CACNB2: variants seen among roughly 807,000 people sequenced by gnomAD.
CACNB2 encodes calcium voltage-gated channel auxiliary subunit beta 2.
CACNB2 carries 42 observed loss-of-function variants against 73.3 expected under a neutral mutation model. The observed-to-expected ratio is 0.57, with a 90% CI of 0.45 to 0.74. The LOEUF (loss-of-function observed/expected upper bound fraction) is 0.74. Among genes scored for constraint, CACNB2 ranks in the 30% least tolerant of loss-of-function variants. The pLI, the probability that CACNB2 is intolerant of heterozygous loss-of-function variation, is 0.00. For synonymous variants in CACNB2, 348 were observed against 310.3 expected, an observed-to-expected ratio of 1.12 and a Z score of -1.28; for missense variants, 940 against 853.0, an observed-to-expected ratio of 1.10 and a Z score of -1.27.
chr10:18,287,616 C>A (rs1038888599), intron 2 of CACNB2, among the ~76,000 whole-genome samples: 1 of 152,058 alleles, frequency 6.6e-6, no homozygotes. Context: ...TTTGGGAGGC[C>A]AAGGTGGACA....
intron 2 of CACNB2, among the ~76,000 whole-genome samples, chr10:18,374,995 T>C (rs1183936829): frequency 6.6e-6 from 1 of 152,172 alleles, no homozygotes; most frequent in Non-Finnish European, 1.5e-5. Context: ...AAAGTTCTAC[T>C]TTCTCTGTTT....
chr10:18,185,074 A>C (rs1017591818), intron 2 of CACNB2, among the ~76,000 whole-genome samples: 2 of 152,094 alleles, frequency 1.3e-5, no homozygotes, highest in African/African-American at 4.8e-5. Context: ...CCTGGGCTCA[A>C]GCAATCCTCC....
rs149253719 is a variant in CACNB2 at position 18,506,518 on chromosome 10, G to C, written c.641G>C (p.Ser214Thr). 1,707 of 1,611,704 alleles carry C rather than the reference G, an allele frequency of 1.1e-3. 6 individuals carry two copies. Among genetic ancestry groups the C allele is most frequent in the Middle Eastern group, 4.1e-3 (25 of 6,054 alleles). ...SSSSLGDIVP[S>T]SRKSTPPSSA... ...TCCAGTTTGGGTGACATAGTACCTA[G>C]TTCCAGAAAATCAACACCTCCATCA... The change falls in exon 6 of 14, where the codon AGT becomes ACT. Residue 214 changes from serine (S) to threonine (T), a missense_variant. Ser to Thr is a moderately conservative substitution (Grantham distance 58). Transcript: ENST00000324631.
At position 18,140,724 on chromosome 10, in the gene CACNB2, C is replaced by G; in HGVS notation, c.-13C>G. ...GGGGGCTGGCTGCTTCGCTCCGAGC[C>G]GACTTTTCGCCAATGGTCCAAAGGG... On this transcript the variant is annotated 5_prime_UTR_variant, in exon 1 of 14. Transcript: ENST00000324631. The G allele has an allele frequency of 6.3e-7, 1 of 1,588,274 alleles. No homozygotes were observed. Among genetic ancestry groups the G allele is most frequent in the South Asian group, 1.1e-5 (1 of 87,252 alleles).
At chr10:18,536,959 A>G (rs1476193241) in intron 12 of CACNB2, among the ~76,000 whole-genome samples, 5 of 152,156 alleles carry the variant, frequency 3.3e-5, no homozygotes, top group Non-Finnish European at 7.4e-5. Context: ...TATGCTTTAC[A>G]TGCAATGCCT....
chr10:18,177,316 T>G (rs573701910), intron 2 of CACNB2, among the ~76,000 whole-genome samples: 2 of 152,124 alleles, frequency 1.3e-5, no homozygotes, highest in East Asian at 3.9e-4. Flanking sequence ...TTTTGGGATG[T>G]TCAGTATTTA....
intron 3 of CACNB2, among the ~76,000 whole-genome samples, chr10:18,479,215 T>C (rs749002622): frequency 3.9e-5 from 6 of 152,204 alleles, no homozygotes; most frequent in African/African-American, 7.2e-5. Context: ...ATATAACATA[T>C]ATAATCTGTG....
At chr10:18,301,920 T>G (rs1445469081) in intron 2 of CACNB2, among the ~76,000 whole-genome samples, 1 of 152,022 alleles carries the variant, frequency 6.6e-6, no homozygotes, top group Non-Finnish European at 1.5e-5. Context: ...GTGCTGGGAT[T>G]ACAGGCATGA....
intron 3 of CACNB2, among the ~76,000 whole-genome samples, chr10:18,449,989 C>T (rs904015601): frequency 3.9e-5 from 6 of 152,204 alleles, no homozygotes; most frequent in Admixed American, 1.3e-4. Flanking sequence ...CCGGGGCTGG[C>T]GGCATGAGGC....
chr10:18,529,637 T>C (rs1486891533), intron 10 of CACNB2, among the ~76,000 whole-genome samples: 2 of 152,140 alleles, frequency 1.3e-5, no homozygotes, highest in Admixed American at 6.6e-5. Context: ...CTGAAAAACA[T>C]AGGTGCTTCA....
chr10:18,506,038 T>C (rs904275297), intron 5 of CACNB2, among the ~76,000 whole-genome samples: 1 of 152,178 alleles, frequency 6.6e-6, no homozygotes, highest in Non-Finnish European at 1.5e-5. Context: ...TCAATCTTAG[T>C]GTACTATTAA....
intron 2 of CACNB2, among the ~76,000 whole-genome samples, chr10:18,323,967 T>G (rs1564436287): frequency 6.6e-6 from 1 of 152,226 alleles, no homozygotes; most frequent in African/African-American, 2.4e-5. Flanking sequence ...ATTCCATGAA[T>G]AGCCTGCTGA....
chr10:18,249,556 A>G (rs530175299), intron 2 of CACNB2, among the ~76,000 whole-genome samples: 28 of 152,196 alleles, frequency 1.8e-4, no homozygotes, highest in South Asian at 6.2e-4. Context: ...TGTCCCCCCA[A>G]TGACTTCACT....
At chr10:18,351,844 T>C (rs1389742917) in intron 2 of CACNB2, among the ~76,000 whole-genome samples, 1 of 152,232 alleles carries the variant, frequency 6.6e-6, no homozygotes, top group Non-Finnish European at 1.5e-5. Context: ...AGGCTTTTTT[T>C]CCTGATGAAT....
intron 2 of CACNB2, among the ~76,000 whole-genome samples, chr10:18,324,728 C>G (rs1197989631): frequency 6.6e-6 from 1 of 152,134 alleles, no homozygotes; most frequent in Non-Finnish European, 1.5e-5. Context: ...TGGTGGCATG[C>G]GTCTGTATTC....
chr10:18,361,808 T>A (rs2042154095), intron 2 of CACNB2, among the ~76,000 whole-genome samples: 1 of 151,934 alleles, frequency 6.6e-6, no homozygotes, highest in Non-Finnish European at 1.5e-5. Flanking sequence ...AGATGGGGTT[T>A]CACTACCTAG....
At chr10:18,436,208 G>A (rs1274485841) in intron 3 of CACNB2, among the ~76,000 whole-genome samples, 1 of 152,192 alleles carries the variant, frequency 6.6e-6, no homozygotes, top group Non-Finnish European at 1.5e-5. Context: ...GGTCATTAAT[G>A]ATGAGTTTGC....
rs745129 is a variant in CACNB2 at position 18,454,254 on chromosome 10, T to C, written c.334-44101T>C. Among the ~76,000 whole-genome samples, 1,458 of 152,336 alleles carry C rather than the reference T, an allele frequency of 9.6e-3. 91 individuals carry two copies. Among genetic ancestry groups the C allele is most frequent in the Admixed American group, 0.091 (1,390 of 15,296 alleles). ...AGAAAGGGTCCAACAGAAAATGATA[T>C]CTACAGATTTCAAGGATCCCTAATA... On this transcript the variant is annotated intron_variant, in intron 3 of 13. Coordinates refer to ENST00000324631, the MANE Select transcript of CACNB2 (RefSeq NM_201596.3).
At chr10:18,530,506 A>T (rs899998448) in intron 10 of CACNB2, among the ~76,000 whole-genome samples, 10 of 102,368 alleles carry the variant, frequency 9.8e-5, no homozygotes, top group Non-Finnish European at 2.1e-4. Context: ...CAAGAAGTAC[A>T]AAAATGCAAA....
Sources: gnomAD v4.1 joint callset for allele counts (sites outside exome capture counted in the v4.1 genomes callset) on GRCh38, gnomAD v4.1.1 for gene constraint, MANE v1.5 for transcripts, NCBI Gene and HGNC (gene_info 2026-07-23, HGNC 2026-07-21) for gene names.